Variants in CEP63 observed in about 807,000 individuals in gnomAD.
The protein encoded by CEP63 is centrosomal protein 63, also known as centrosomal protein of 63 kDa.
CEP63 carries 84 observed loss-of-function variants against 89.1 expected under a neutral mutation model. That is an observed-to-expected ratio of 0.94 (90% CI 0.79 to 1.13). CEP63 has a LOEUF of 1.13. Among genes scored for constraint, CEP63 ranks in the 50% most tolerant of loss-of-function variants. CEP63 has a pLI of 0.00. For synonymous variants in CEP63, 267 were observed against 272.5 expected, an observed-to-expected ratio of 0.98 and a Z score of 0.20; for missense variants, 838 against 813.3, an observed-to-expected ratio of 1.03 and a Z score of -0.37.
At chr3:134,675,440 C>T in the CEP63 span, among the ~76,000 whole-genome samples, 1 of 152,108 alleles carries the variant, frequency 6.6e-6, no homozygotes, top group Non-Finnish European at 1.5e-5. Flanking sequence ...TAGAAGAAAA[C>T]ATAGGTGTAA....
At chr3:134,651,056 G>C in the CEP63 span, 1 of 1,552,118 alleles carries the variant, frequency 6.4e-7, no homozygotes, top group Non-Finnish European at 8.7e-7. Flanking sequence ...ACACGGGAGA[G>C]GGCGAGGGCG....
chr3:134,699,293 A>G, the CEP63 span, among the ~76,000 whole-genome samples: 4 of 152,196 alleles, frequency 2.6e-5, no homozygotes, highest in Non-Finnish European at 4.4e-5. Flanking sequence ...ACCAAGCTGG[A>G]TGGATCGGTC....
At chr3:134,730,529 A>C in the CEP63 span, among the ~76,000 whole-genome samples, 1 of 152,350 alleles carries the variant, frequency 6.6e-6, no homozygotes, top group African/African-American at 2.4e-5. Flanking sequence ...AATAGTGTGG[A>C]TACATATATG....
At chr3:134,508,797 A>G (rs1051089459) in intron 3 of CEP63, among the ~76,000 whole-genome samples, 1 of 152,156 alleles carries the variant, frequency 6.6e-6, no homozygotes, top group Admixed American at 6.5e-5. Context: ...TGGCCTGGGG[A>G]CATACAAGAA....
intron 14 of CEP63, among the ~76,000 whole-genome samples, chr3:134,560,719 T>C (rs1475356585): frequency 6.6e-6 from 1 of 152,148 alleles, no homozygotes; most frequent in East Asian, 1.9e-4. Flanking sequence ...TTATGCTCTC[T>C]GTGTGGGGTA....
At chr3:134,594,628 A>G in the CEP63 span, among the ~76,000 whole-genome samples, 10 of 152,340 alleles carry the variant, frequency 6.6e-5, no homozygotes, top group East Asian at 9.7e-4. Flanking sequence ...GGGGCAAAGG[A>G]GTACACTGCT....
the CEP63 span, among the ~76,000 whole-genome samples, chr3:134,644,171 C>A: frequency 1.3e-5 from 2 of 152,184 alleles, no homozygotes; most frequent in East Asian, 1.9e-4. Context: ...AGCCTGCCTC[C>A]TACCCCAGCC....
the CEP63 span, among the ~76,000 whole-genome samples, chr3:134,701,297 TATATATAC>T: frequency 2.0e-5 from 1 of 49,842 alleles, no homozygotes; most frequent in Non-Finnish European, 6.0e-5. Context: ...TATATATGTG[TATATATAC>T]GTATATATGT....
At chr3:134,607,169 C>T in the CEP63 span, 1 of 985,450 alleles carries the variant, frequency 1.0e-6, no homozygotes, top group Non-Finnish European at 1.2e-6. Flanking sequence ...ATACATTGAA[C>T]AAGCCCTGCA....
At chr3:134,684,081 T>C in the CEP63 span, among the ~76,000 whole-genome samples, 2 of 152,184 alleles carry the variant, frequency 1.3e-5, no homozygotes, top group Non-Finnish European at 2.9e-5. Flanking sequence ...CTACAAGGTT[T>C]CATGAGAGCA....
chr3:134,538,316 C>T (rs1951205649), intron 6 of CEP63, among the ~76,000 whole-genome samples: 1 of 147,734 alleles, frequency 6.8e-6, no homozygotes, highest in Admixed American at 6.9e-5. Context: ...TATCAGCAGT[C>T]TGATAAACTA....
chr3:134,680,423 T>C, the CEP63 span, among the ~76,000 whole-genome samples: 1 of 152,216 alleles, frequency 6.6e-6, no homozygotes, highest in Non-Finnish European at 1.5e-5. Context: ...GAGGAGACTG[T>C]GCGCTGTGAA....
chr3:134,732,731 A>G, the CEP63 span, among the ~76,000 whole-genome samples: 77 of 152,324 alleles, frequency 5.1e-4, no homozygotes, highest in South Asian at 1.0e-3. Context: ...GGAGCAAAGC[A>G]AAAACTTAAA....
At chr3:134,714,640 C>G in the CEP63 span, among the ~76,000 whole-genome samples, 3 of 152,206 alleles carry the variant, frequency 2.0e-5, no homozygotes, top group Non-Finnish European at 2.9e-5. Context: ...AAACATTATC[C>G]ACTCCATCAT....
chr3:134,655,381 G>A, the CEP63 span, among the ~76,000 whole-genome samples: 89,557 of 152,134 alleles, frequency 0.59, 27,820 homozygotes, highest in East Asian at 0.88. Flanking sequence ...AGATCTGTGC[G>A]GCTGCAGCCT....
the CEP63 span, among the ~76,000 whole-genome samples, chr3:134,673,347 C>T: frequency 6.6e-6 from 1 of 152,136 alleles, no homozygotes; most frequent in Non-Finnish European, 1.5e-5. Flanking sequence ...CATTGGACTT[C>T]CTGGAGACCT....
At chr3:134,557,404 T>TTTTTTTTTTTTTTAA in intron 12 of CEP63, among the ~76,000 whole-genome samples, 1 of 130,262 alleles carries the variant, frequency 7.7e-6, no homozygotes, top group African/African-American at 2.7e-5. Context: ...TTTTTTTTTT[T>TTTTTTTTTTTTTTAA]ACAGAAAAGA....
the CEP63 span, among the ~76,000 whole-genome samples, chr3:134,666,589 G>A: frequency 2.0e-5 from 3 of 152,080 alleles, no homozygotes; most frequent in Non-Finnish European, 4.4e-5. Flanking sequence ...TATACCTTTT[G>A]CTTCACCAGC....
At chr3:134,631,668 T>C in the CEP63 span, among the ~76,000 whole-genome samples, 3 of 152,102 alleles carry the variant, frequency 2.0e-5, no homozygotes, top group South Asian at 6.2e-4. Flanking sequence ...TAATAGATTA[T>C]GAAAAGTTAA....
Sources: allele counts gnomAD v4.1 joint callset (sites outside exome capture counted in the v4.1 genomes callset), GRCh38; gene constraint gnomAD v4.1.1; transcripts MANE v1.5; gene names NCBI Gene and HGNC (gene_info 2026-07-23, HGNC 2026-07-21).